Variants in GRID1 observed in about 807,000 individuals in gnomAD.
The protein encoded by GRID1 is glutamate ionotropic receptor delta type subunit 1, also known as glutamate receptor ionotropic, delta-1.
GRID1 carries 28 observed loss-of-function variants against 98.0 expected under a neutral mutation model. The observed-to-expected ratio is 0.29, with a 90% confidence interval of 0.21 to 0.39. The LOEUF is 0.39. Ranked by LOEUF, GRID1 falls within the 10% of genes least tolerant of loss-of-function variation. GRID1 has a pLI of 1.00. For missense variants in GRID1, 1,111 were observed against 1,340.5 expected (o/e 0.83, Z 2.67); for synonymous variants, 553 against 538.5 (o/e 1.03, Z -0.37).
intron 4 of GRID1, among the ~76,000 whole-genome samples, chr10:86,132,564 A>G (rs1049906295): frequency 6.6e-6 from 1 of 152,242 alleles, no homozygotes; most frequent in African/African-American, 2.4e-5. Flanking sequence ...AATTTAAAAT[A>G]TTCTGGTAAA....
chr10:85,609,085 C>A (rs1842704547), intron 15 of GRID1, among the ~76,000 whole-genome samples: 3 of 152,162 alleles, frequency 2.0e-5, no homozygotes. Context: ...CATGCACATA[C>A]CCAGAGGAAA....
chr10:85,808,023 C>T (rs1842638426), intron 8 of GRID1, among the ~76,000 whole-genome samples: 1 of 151,956 alleles, frequency 6.6e-6, no homozygotes, highest in Non-Finnish European at 1.5e-5. Context: ...TTAAACTGAA[C>T]AACACTTCAG....
intron 8 of GRID1, among the ~76,000 whole-genome samples, chr10:85,846,908 C>G (rs1843011829): frequency 6.6e-6 from 1 of 152,180 alleles, no homozygotes; most frequent in South Asian, 2.1e-4. Context: ...AGCAGCTAGC[C>G]CAGAAAATTG....
chr10:85,989,045 C>A (rs556644345), intron 4 of GRID1, among the ~76,000 whole-genome samples: 1 of 152,170 alleles, frequency 6.6e-6, no homozygotes, highest in Non-Finnish European at 1.5e-5. Context: ...AGGCGGATTA[C>A]GCAGGTTTAG....
At chr10:86,149,612 A>G (rs947122144) in intron 3 of GRID1, among the ~76,000 whole-genome samples, 1 of 152,278 alleles carries the variant, frequency 6.6e-6, no homozygotes. Context: ...ATTAAAAACA[A>G]TTTAAAATAA....
intron 2 of GRID1, among the ~76,000 whole-genome samples, chr10:86,326,020 C>G (rs529180013): frequency 6.6e-6 from 1 of 152,194 alleles, no homozygotes; most frequent in African/African-American, 2.4e-5. Context: ...GGAACTCATA[C>G]AAGAGTTCAG....
chr10:86,197,504 A>C (rs2132012819), intron 3 of GRID1, among the ~76,000 whole-genome samples: 1 of 152,106 alleles, frequency 6.6e-6, no homozygotes, highest in Non-Finnish European at 1.5e-5. Context: ...TGTGTGGAGC[A>C]AAGGAGGTCT....
chr10:85,923,281 G>A (rs2131828381), intron 4 of GRID1, among the ~76,000 whole-genome samples: 1 of 152,274 alleles, frequency 6.6e-6, no homozygotes, highest in South Asian at 2.1e-4. Flanking sequence ...ATGGGCTCAG[G>A]TCACTGAAGG....
intron 8 of GRID1, among the ~76,000 whole-genome samples, chr10:85,790,644 C>G (rs1260546008): frequency 6.6e-6 from 1 of 152,156 alleles, no homozygotes; most frequent in East Asian, 1.9e-4. Flanking sequence ...GACCAGGAGC[C>G]TCCTGGCAGG....
At chr10:85,875,270 T>G (rs558758386) in intron 5 of GRID1, among the ~76,000 whole-genome samples, 1 of 152,300 alleles carries the variant, frequency 6.6e-6, no homozygotes, top group African/African-American at 2.4e-5. Flanking sequence ...TTATTTCTAG[T>G]AACACATCTT....
At chr10:86,138,050 T>C (rs1233321159) in intron 4 of GRID1, among the ~76,000 whole-genome samples, 1 of 152,106 alleles carries the variant, frequency 6.6e-6, no homozygotes, top group Non-Finnish European at 1.5e-5. Context: ...TCAATCTGCC[T>C]CTGCTCCCAG....
chr10:86,181,149 C>T (rs1313833103), intron 3 of GRID1, among the ~76,000 whole-genome samples: 2 of 152,212 alleles, frequency 1.3e-5, no homozygotes, highest in East Asian at 3.9e-4. Context: ...AGGGCACGTT[C>T]CCTGGTATTT....
At chr10:85,858,808 G>A (rs1387485688) in intron 6 of GRID1, among the ~76,000 whole-genome samples, 1 of 152,046 alleles carries the variant, frequency 6.6e-6, no homozygotes, top group African/African-American at 2.4e-5. Flanking sequence ...CACACATCAG[G>A]GCAGAGTCCA....
At position 85,694,982 on chromosome 10, in the gene GRID1, G is replaced by A. The variant is rs929093868; in HGVS notation, c.1997+28021C>T. Among the ~76,000 whole-genome samples, 5 of 151,924 alleles carry A rather than the reference G, an allele frequency of 3.3e-5. No homozygotes were observed. In the South Asian group the frequency reaches 1.0e-3, roughly 32 times the overall value. On this transcript the variant is annotated intron_variant, in intron 12 of 15. Transcript: ENST00000327946. ...ATACAAATAAAAAATAATAACAATA[G>A]AGGAAAGTGGAGGGAAGAGAAGATG...
At chr10:86,345,326 GTGGAAAAGAGAGAGGCCTGGGT>G (rs1259778132) in intron 2 of GRID1, among the ~76,000 whole-genome samples, 1 of 152,164 alleles carries the variant, frequency 6.6e-6, no homozygotes, top group Non-Finnish European at 1.5e-5. Flanking sequence ...GGACCCTGGG[GTGGAAAAGAGAGAGGCCTGGGT>G]CTATCAGACC....
intron 4 of GRID1, among the ~76,000 whole-genome samples, chr10:86,058,402 C>T (rs1843603967): frequency 6.6e-6 from 1 of 152,228 alleles, no homozygotes; most frequent in African/African-American, 2.4e-5. Context: ...TAGCCCACAA[C>T]TTCAGCTTCT....
intron 12 of GRID1, among the ~76,000 whole-genome samples, chr10:85,705,025 C>A (rs1841499173): frequency 6.6e-6 from 1 of 152,158 alleles, no homozygotes; most frequent in African/African-American, 2.4e-5. Flanking sequence ...CAGGAAAGAT[C>A]TAAAATTGAC....
At chr10:86,179,124 C>A (rs1368244338) in intron 3 of GRID1, among the ~76,000 whole-genome samples, 1 of 152,118 alleles carries the variant, frequency 6.6e-6, no homozygotes, top group Non-Finnish European at 1.5e-5. Context: ...AGGGAGAAAT[C>A]CCCCCAAGAC....
chr10:85,941,935 T>G (rs767614649), intron 4 of GRID1, among the ~76,000 whole-genome samples: 3 of 152,208 alleles, frequency 2.0e-5, no homozygotes, highest in Non-Finnish European at 4.4e-5. Context: ...TCCCTGGAAT[T>G]GCATCTTCAT....
Sources: allele counts gnomAD v4.1 joint callset (sites outside exome capture counted in the v4.1 genomes callset), GRCh38; gene constraint gnomAD v4.1.1; transcripts MANE v1.5; gene names NCBI Gene and HGNC (gene_info 2026-07-23, HGNC 2026-07-21).